Variants in DYM observed in about 807,000 individuals in gnomAD.
The protein encoded by DYM is dymeclin.
DYM carries 78 observed loss-of-function variants against 93.1 expected under a neutral mutation model. That is an observed-to-expected ratio of 0.84 (90% CI 0.70 to 1.01). DYM has a LOEUF of 1.01. Ranked by LOEUF, DYM falls within the 50% of genes least tolerant of loss-of-function variation. The pLI is 0.00. For synonymous variants in DYM, 321 were observed against 319.7 expected (o/e 1.00, Z -0.04); for missense variants, 789 against 845.0 (o/e 0.93, Z 0.82).
intron 17 of DYM, among the ~76,000 whole-genome samples, chr18:49,069,147 A>G (rs1568368874): frequency 6.6e-6 from 1 of 152,216 alleles, no homozygotes; most frequent in Admixed American, 6.5e-5. Context: ...AAATTAGACA[A>G]CTTAGTCTTG....
intron 17 of DYM, among the ~76,000 whole-genome samples, chr18:49,070,152 G>A (rs2076778060): frequency 6.6e-6 from 1 of 152,238 alleles, no homozygotes; most frequent in Admixed American, 6.5e-5. Context: ...CATCCATTTT[G>A]ATTGTTCAGA....
chr18:49,152,711 G>A (rs181562361), intron 15 of DYM, among the ~76,000 whole-genome samples: 1 of 152,276 alleles, frequency 6.6e-6, no homozygotes, highest in Admixed American at 6.5e-5. Context: ...GCTAAGATAT[G>A]AAGACAACCT....
intron 14 of DYM, among the ~76,000 whole-genome samples, chr18:49,165,274 TATTATA>T (rs1260978475): frequency 1.3e-5 from 2 of 152,140 alleles, no homozygotes; most frequent in African/African-American, 4.8e-5. Flanking sequence ...CAGAGGTATG[TATTATA>T]ATTATATGAT....
At chr18:49,070,418 C>T (rs2076796768) in intron 17 of DYM, among the ~76,000 whole-genome samples, 1 of 152,190 alleles carries the variant, frequency 6.6e-6, no homozygotes, top group South Asian at 2.1e-4. Flanking sequence ...TCACTCTCAG[C>T]CCTCCAGCAT....
At chr18:49,158,766 G>T (rs978259617) in intron 15 of DYM, among the ~76,000 whole-genome samples, 2 of 152,102 alleles carry the variant, frequency 1.3e-5, no homozygotes, top group Non-Finnish European at 2.9e-5. Flanking sequence ...AAGGGTAGTT[G>T]GGGCAGGGAG....
rs869086187 is a variant in DYM at position 49,392,681 on chromosome 18, TAAAAAAAA to T, written c.141-1044_141-1037del. The stretch of plus-strand genomic sequence containing the variant: ...CACACCCATTGGGATGGCTTTTATT[TAAAAAAAA>T]AAAAAAAAAAAAAAAAAAAAAGAGG... On this transcript the variant is annotated intron_variant, in intron 2 of 17. Transcript: ENST00000675505. Among the ~76,000 whole-genome samples, 72 of 68,502 alleles carry T rather than the reference TAAAAAAAA, an allele frequency of 1.1e-3. 1 individual carries two copies. Among genetic ancestry groups the T allele is most frequent in the South Asian group, 2.1e-3 (3 of 1,440 alleles). The allele number at this position is 68,502 out of a possible 152,430, so 44.9% of individuals were successfully genotyped here.
chr18:49,316,526 C>T (rs1031518426), intron 8 of DYM, among the ~76,000 whole-genome samples: 9 of 152,016 alleles, frequency 5.9e-5, no homozygotes, highest in African/African-American at 1.7e-4. Context: ...TCTAAATGCA[C>T]ATAAGATGCA....
At position 49,147,146 on chromosome 18, in the gene DYM, T is replaced by G. The variant is rs541608661; in HGVS notation, c.1728+16539A>C. 6.6e-3 allele frequency among the ~76,000 whole-genome samples: 1,006 copies of G among 152,170 alleles called. 5 individuals carry two copies. Among genetic ancestry groups the G allele is most frequent in the African/African-American group, 0.011 (441 of 41,508 alleles). On this transcript the variant is annotated intron_variant, in intron 15 of 17. Coordinates refer to ENST00000675505, the MANE Select transcript of DYM (RefSeq NM_001353214.3). ...GCTGGGAAAACTGGCTAGCCATATG[T>G]AGAAAGCTGAAACTGGATCTCTTCC...
intron 15 of DYM, among the ~76,000 whole-genome samples, chr18:49,120,078 C>CAAAAAAAAAAAAAA (rs71165367): frequency 3.4e-4 from 19 of 55,778 alleles, no homozygotes; most frequent in East Asian, 8.8e-4. Context: ...GATCCTGTCT[C>CAAAAAAAAAAAAAA]AAAAAAAAAA....
At chr18:49,407,285 C>T (rs751512804) in intron 2 of DYM, among the ~76,000 whole-genome samples, 3 of 152,136 alleles carry the variant, frequency 2.0e-5, no homozygotes, top group African/African-American at 7.2e-5. Context: ...CATGATAAAA[C>T]GGTATAGAGC....
At chr18:49,317,582 T>C (rs1272998155) in intron 8 of DYM, among the ~76,000 whole-genome samples, 34 of 12,204 alleles carry the variant, frequency 2.8e-3, no homozygotes, top group African/African-American at 0.019. Flanking sequence ...TCTCTCTCTC[T>C]CTCTCTCTCT....
At chr18:49,294,166 T>C (rs1006530890) in intron 8 of DYM, among the ~76,000 whole-genome samples, 6 of 152,186 alleles carry the variant, frequency 3.9e-5, no homozygotes, top group Admixed American at 6.5e-5. Context: ...TTCTGTTCCA[T>C]TGGTCCATGT....
At chr18:49,171,189 G>A (rs2145255179) in intron 14 of DYM, among the ~76,000 whole-genome samples, 1 of 151,728 alleles carries the variant, frequency 6.6e-6, no homozygotes, top group South Asian at 2.1e-4. Context: ...TTAAGAAGTT[G>A]AACATTGCTG....
intron 11 of DYM, among the ~76,000 whole-genome samples, chr18:49,258,839 C>CAGAGAG (rs61360021): frequency 0.011 from 1,293 of 113,716 alleles, 23 homozygotes; most frequent in Non-Finnish European, 0.016. Context: ...CACACACACA[C>CAGAGAG]AGAGAGAGAG....
chr18:49,383,181 G>A (rs1272816996), intron 3 of DYM, among the ~76,000 whole-genome samples: 1 of 152,150 alleles, frequency 6.6e-6, no homozygotes, highest in African/African-American at 2.4e-5. Flanking sequence ...CAAAAATAAT[G>A]TGTGAACTTA....
chr18:49,243,519 T>C (rs1335341379), intron 13 of DYM, among the ~76,000 whole-genome samples: 2 of 151,802 alleles, frequency 1.3e-5, no homozygotes, highest in East Asian at 3.9e-4. Context: ...GCAAAAGTTA[T>C]CAAGGTGTGG....
chr18:49,299,585 T>C (rs1452157947), intron 8 of DYM, among the ~76,000 whole-genome samples: 3 of 152,188 alleles, frequency 2.0e-5, no homozygotes, highest in Non-Finnish European at 2.9e-5. Context: ...TCTTTCCTGC[T>C]AAACTGTGGG....
chr18:49,320,766 G>A, intron 8 of DYM, among the ~76,000 whole-genome samples: 1 of 152,082 alleles, frequency 6.6e-6, no homozygotes, highest in Non-Finnish European at 1.5e-5. Flanking sequence ...AGCCACCGTG[G>A]CTGGCCTGAT....
chr18:49,121,453 A>G (rs1853377727), intron 15 of DYM, among the ~76,000 whole-genome samples: 1 of 152,220 alleles, frequency 6.6e-6, no homozygotes, highest in South Asian at 2.1e-4. Flanking sequence ...CCAGAAGGAA[A>G]AGAGAGAAAG....
Sources: gnomAD v4.1 joint callset for allele counts (sites outside exome capture counted in the v4.1 genomes callset) on GRCh38, gnomAD v4.1.1 for gene constraint, MANE v1.5 for transcripts, NCBI Gene and HGNC (gene_info 2026-07-23, HGNC 2026-07-21) for gene names.